The following CACNA1C variants were observed in gnomAD, a reference collection of about 807,000 sequenced individuals.
CACNA1C encodes the protein calcium voltage-gated channel subunit alpha1 C, also known as voltage-dependent L-type calcium channel subunit alpha-1C.
In CACNA1C, 30 loss-of-function variants were observed where a neutral mutation model predicts 229.0. The ratio of observed to expected loss-of-function variants is 0.13; its 90% CI spans 0.10 to 0.18. The LOEUF is 0.18. Ranked by LOEUF, CACNA1C falls within the 10% of genes least tolerant of loss-of-function variation. CACNA1C has a pLI of 1.00. For missense variants in CACNA1C, 1,658 were observed against 2,845.0 expected (o/e 0.58, Z 9.49); for synonymous variants, 1,114 against 1,132.5 (o/e 0.98, Z 0.33).
chr12:2,266,521 T>C (rs2159101), intron 3 of CACNA1C, among the ~76,000 whole-genome samples: 8,813 of 152,312 alleles, frequency 0.058, 333 homozygotes, highest in African/African-American at 0.095. Flanking sequence ...GTGCTTGCAC[T>C]CCTGCTCCCT....
chr12:2,192,216 T>C (rs145662379), intron 3 of CACNA1C, among the ~76,000 whole-genome samples: 14 of 152,372 alleles, frequency 9.2e-5, no homozygotes, highest in African/African-American at 2.6e-4. Context: ...CTGAAACTTC[T>C]GTGCTGAGAA....
At position 2,457,015 on chromosome 12, in the gene CACNA1C, C is replaced by G. The variant is rs1037075463; in HGVS notation, c.618-552C>G. 6.6e-5 allele frequency among the ~76,000 whole-genome samples: 10 copies of G among 152,352 alleles called. 2 individuals carry two copies. Among genetic ancestry groups the G allele is most frequent in the African/African-American group, 9.6e-5 (4 of 41,592 alleles). On this transcript the variant is annotated intron_variant, in intron 4 of 46. Transcript: ENST00000399655. The stretch of plus-strand genomic sequence containing the variant: ...GTTACGTGCACGTGTGGTTCTACCC[C>G]ACTTGAGACCTTCTTGTTTAACCAC...
rs3062140 is a variant in CACNA1C at position 2,602,630 on chromosome 12, T to TTGTGTGTGTGTGTG, written c.2960+697_2960+710dup. Among the ~76,000 whole-genome samples the TTGTGTGTGTGTGTG allele has an allele frequency of 7.1e-6, 1 of 140,796 alleles. No homozygotes were observed. Among genetic ancestry groups the TTGTGTGTGTGTGTG allele is most frequent in the Admixed American group, 6.9e-5 (1 of 14,504 alleles). The allele number at this position is 140,796 out of a possible 152,430, so 92.4% of individuals were successfully genotyped here. On this transcript the variant is annotated intron_variant, in intron 22 of 46. Coordinates refer to ENST00000399655, the MANE Select transcript of CACNA1C (RefSeq NM_000719.7). This position sits in a 1 kb window ranked among gnomAD's most constrained non-coding sequence, Gnocchi z 4.4. ...GTGTGTGACTGTGTATATTTGTGTC[T>TTGTGTGTGTGTGTG]TGTGTGTGTGTGTGTGTGTGTGTGT...
intron 5 of CACNA1C, among the ~76,000 whole-genome samples, chr12:2,465,570 C>T (rs963938636): frequency 6.6e-6 from 1 of 151,996 alleles, no homozygotes; most frequent in African/African-American, 2.4e-5. Flanking sequence ...AAGTATGGGT[C>T]GTGAGAGCCA....
rs145608248 is a variant in CACNA1C at position 2,281,005 on chromosome 12, A to G, written c.477+160575A>G. ...ACTTTAAGTTTTAGGGTACATGTGC[A>G]CAACGTGCAGGTTAGTTACATATGT... On this transcript the variant is annotated intron_variant, in intron 3 of 46. Transcript: ENST00000399655. 9.5e-3 allele frequency among the ~76,000 whole-genome samples: 1,441 copies of G among 152,294 alleles called. 18 individuals are homozygous for G. Among genetic ancestry groups the G allele is most frequent in the African/African-American group, 0.033 (1,384 of 41,552 alleles).
At position 2,241,415 on chromosome 12, in the gene CACNA1C, GCCTCCCC is replaced by G. The variant is rs572092767; in HGVS notation, c.477+120989_477+120995del. On this transcript the variant is annotated intron_variant, in intron 3 of 46. Transcript: ENST00000399655. ...CTTTTTATCATGCCATGTTTTTTAT[GCCTCCCC>G]CCTTGTCCCAGAGTGTGGCAAGCAG... is the stretch of plus-strand genomic sequence containing the variant. Among the ~76,000 whole-genome samples the G allele has an allele frequency of 5.0e-4, 76 of 152,092 alleles. 2 individuals are homozygous for G. The South Asian group carries it at 0.015, about 30-fold the overall frequency.
chr12:2,392,708 G>A (rs570593319), intron 3 of CACNA1C, among the ~76,000 whole-genome samples: 5 of 152,206 alleles, frequency 3.3e-5, no homozygotes, highest in Non-Finnish European at 7.3e-5. Flanking sequence ...ACTTGGGCTG[G>A]AGGAATGTTG....
intron 45 of CACNA1C, among the ~76,000 whole-genome samples, chr12:2,686,755 G>C (rs1456170862): frequency 6.6e-6 from 1 of 152,216 alleles, no homozygotes; most frequent in African/African-American, 2.4e-5. Context: ...GTGGGAAGCA[G>C]GTCCAGGGAG....
Position 2,210,938 on chromosome 12 carries a change from G to A in CACNA1C, c.477+90508G>A, listed in dbSNP as rs376921496. On this transcript the variant is annotated intron_variant, in intron 3 of 46. Coordinates refer to ENST00000399655, the MANE Select transcript of CACNA1C (RefSeq NM_000719.7). ...CCACAGAGAAGGAAGAAAGTATACA[G>A]GTGGGCAAGCTGGGATTATGTGTAT... 1.1e-4 allele frequency among the ~76,000 whole-genome samples: 16 copies of A among 152,290 alleles called. No homozygotes were observed. The East Asian group carries it at 1.3e-3, about 13-fold the overall frequency.
chr12:2,600,539 C>T (rs188890160), intron 21 of CACNA1C, among the ~76,000 whole-genome samples: 1 of 152,182 alleles, frequency 6.6e-6, no homozygotes, highest in East Asian at 1.9e-4. Flanking sequence ...TCCCTTTGGC[C>T]GATGCTTCCT....
At chr12:2,378,497 C>A (rs560674800) in intron 3 of CACNA1C, among the ~76,000 whole-genome samples, 5 of 152,316 alleles carry the variant, frequency 3.3e-5, no homozygotes, top group African/African-American at 1.2e-4. Context: ...AGATGCCAAC[C>A]AGTGTCTACG....
intron 37 of CACNA1C, 56 bp from the exon 38 acceptor site, chr12:2,668,877 C>A: frequency 1.8e-6 from 2 of 1,131,042 alleles, no homozygotes; most frequent in Admixed American, 1.7e-5. Flanking sequence ...CGGTGTTCTG[C>A]GGTCCCCTAA....
intron 1 of CACNA1C, among the ~76,000 whole-genome samples, chr12:2,028,117 T>C (rs879886007): frequency 6.6e-6 from 1 of 152,254 alleles, no homozygotes; most frequent in African/African-American, 2.4e-5. Flanking sequence ...TGTTAAAGAA[T>C]GCCTAAGGAT....
At chr12:2,352,921 A>G (rs1031692217) in intron 3 of CACNA1C, among the ~76,000 whole-genome samples, 16 of 152,194 alleles carry the variant, frequency 1.1e-4, no homozygotes, top group Non-Finnish European at 2.4e-4. Flanking sequence ...ACCAAATCAG[A>G]CTCTGCAAGA....
chr12:2,395,694 T>C (rs2098556395), intron 3 of CACNA1C, among the ~76,000 whole-genome samples: 3 of 152,174 alleles, frequency 2.0e-5, no homozygotes, highest in Admixed American at 6.5e-5. Context: ...GTTTCCTTTT[T>C]CCAGTCTGAG....
At position 2,115,510 on chromosome 12, in the gene CACNA1C, C is replaced by T. The variant is rs745696953; in HGVS notation, c.336C>T (p.Pro112=). 6.2e-7 allele frequency: 1 copy of T among 1,613,554 alleles called. No homozygotes were observed. Residue 112 remains proline (P), a synonymous_variant, in exon 2 of 47, where the codon CCC becomes CCT. Coordinates refer to ENST00000399655, the MANE Select transcript of CACNA1C (RefSeq NM_000719.7). ...RALLCLTLKN[P]IRRACISIVE... is the part of the protein sequence containing the mutation. ...TGCTCTGCCTGACCCTGAAGAACCC[C>T]ATCCGGAGGGCCTGCATCAGCATTG...
At chr12:2,062,680 C>A (rs1441105173) in intron 1 of CACNA1C, among the ~76,000 whole-genome samples, 2 of 152,152 alleles carry the variant, frequency 1.3e-5, no homozygotes, top group African/African-American at 4.8e-5. Flanking sequence ...TCTGCCAGGG[C>A]CCTCCTTGCT....
At position 2,354,483 on chromosome 12, in the gene CACNA1C, GA is replaced by G. The variant is rs1389384649; in HGVS notation, c.478-94491del. Among the ~76,000 whole-genome samples, 4 of 152,194 alleles carry G rather than the reference GA, an allele frequency of 2.6e-5. No individual in the cohort carries two copies. Among genetic ancestry groups the G allele is most frequent in the African/African-American group, 9.7e-5 (4 of 41,442 alleles). On this transcript the variant is annotated intron_variant, in intron 3 of 46. Coordinates refer to ENST00000399655, the MANE Select transcript of CACNA1C (RefSeq NM_000719.7). The surrounding 1 kb of genome is among the most constrained non-coding windows in gnomAD (Gnocchi z 4.6). ...GCCGGGAGGAACAGGAGACTGTTGA[GA>G]AGGGGACGGAGAACCTCACCAGCAG...
chr12:2,588,236 T>A (rs967093280), intron 18 of CACNA1C, among the ~76,000 whole-genome samples: 3 of 152,190 alleles, frequency 2.0e-5, no homozygotes, highest in Non-Finnish European at 2.9e-5. Context: ...GATCCTGATC[T>A]ACCATTGTGC....
Sources: gnomAD v4.1 joint callset for allele counts (sites outside exome capture counted in the v4.1 genomes callset) on GRCh38, gnomAD v4.1.1 for gene constraint, Gnocchi (gnomAD v3.1) non-coding constraint, MANE v1.5 for transcripts, NCBI Gene and HGNC (gene_info 2026-07-23, HGNC 2026-07-21) for gene names.